ADGRV1: variants seen among roughly 807,000 people sequenced by gnomAD.
ADGRV1 encodes adhesion G protein-coupled receptor V1.
ADGRV1 carries 359 observed loss-of-function variants against 596.2 expected under a neutral mutation model. The ratio of observed to expected loss-of-function variants is 0.60; its 90% CI spans 0.55 to 0.66. The LOEUF (loss-of-function observed/expected upper bound fraction) is 0.66. Ranked by LOEUF, ADGRV1 falls within the 30% of genes least tolerant of loss-of-function variation. The pLI is 0.00. For missense variants in ADGRV1, 7,274 were observed against 7,575.6 expected, an observed-to-expected ratio of 0.96 and a Z score of 1.48; for synonymous variants, 2,681 against 2,679.2, an observed-to-expected ratio of 1.00 and a Z score of -0.02.
chr5:90,811,431 G>A, intron 74 of ADGRV1, 93 bp downstream of exon 74: 2 of 1,208,250 alleles, frequency 1.7e-6, no homozygotes, highest in East Asian at 2.5e-5. Flanking sequence ...GGAAGAAGGT[G>A]AAGTTCTTAA....
At chr5:90,829,219 A>G in intron 77 of ADGRV1, 33 bp downstream of exon 77, 1 of 1,396,864 alleles carries the variant, frequency 7.2e-7, no homozygotes, top group African/African-American at 1.4e-5. Context: ...CATACACGTT[A>G]TGGTTTTCTT....
At chr5:91,144,737 G>A (rs771887255) in intron 87 of ADGRV1, among the ~76,000 whole-genome samples, 6 of 152,206 alleles carry the variant, frequency 3.9e-5, no homozygotes, top group Non-Finnish European at 7.3e-5. Flanking sequence ...AAGAACAGAT[G>A]GATTATATAG....
intron 77 of ADGRV1, among the ~76,000 whole-genome samples, chr5:90,829,828 C>G (rs984251695): frequency 2.6e-5 from 4 of 152,084 alleles, no homozygotes; most frequent in Non-Finnish European, 4.4e-5. Flanking sequence ...AAGCAAAAAT[C>G]TGTCCCTACT....
rs539109097 is a variant in ADGRV1 at position 91,020,086 on chromosome 5, C to T, written c.18152+34564C>T. ...CTTTAATTTTTAAGGCTTATAGTTACGGCATATTGGCTATGATTTCTTCCC... is the reference window on the plus strand; with the variant it reads ...CTTTAATTTTTAAGGCTTATAGTTATGGCATATTGGCTATGATTTCTTCCC... On this transcript the variant is annotated intron_variant, in intron 85 of 89. Coordinates refer to ENST00000405460, the MANE Select transcript of ADGRV1 (RefSeq NM_032119.4). Among the ~76,000 whole-genome samples the T allele has an allele frequency of 2.4e-3, 318 of 130,576 alleles. 1 individual carries two copies. Among genetic ancestry groups the T allele is most frequent in the Non-Finnish European group, 3.1e-3 (187 of 60,028 alleles). 85.7% of individuals were successfully genotyped at this position (130,576 alleles called of 152,430 possible).
chr5:91,053,557 GTTTCT>G lies in ADGRV1; in HGVS notation c.18153-18882_18153-18878del, dbSNP rs146489619. ...AAACAAAGTTGAGAAATTTTTGAGC[GTTTCT>G]TTTCTTTGCCATTGTCCAGAAAGAG... is the stretch of plus-strand genomic sequence containing the variant. On this transcript the variant is annotated intron_variant, in intron 85 of 89. Transcript: ENST00000405460. 5.6e-3 allele frequency among the ~76,000 whole-genome samples: 847 copies of G among 152,250 alleles called. 28 individuals carry two copies. In the East Asian group the frequency reaches 0.088, roughly 16 times the overall value.
At chr5:91,101,768 AAC>A (rs10592473) in intron 86 of ADGRV1, among the ~76,000 whole-genome samples, 3 of 151,722 alleles carry the variant, frequency 2.0e-5, no homozygotes, top group Non-Finnish European at 4.4e-5. Context: ...AGGTTTTTCC[AAC>A]ACACACACAC....
intron 67 of ADGRV1, among the ~76,000 whole-genome samples, chr5:90,786,714 A>G (rs1489169733): frequency 1.3e-5 from 2 of 152,236 alleles, no homozygotes; most frequent in Non-Finnish European, 1.5e-5. Context: ...AGGGAAAGAC[A>G]GGAATCAAGG....
chr5:90,964,935 A>G (rs1022361972), intron 83 of ADGRV1, among the ~76,000 whole-genome samples: 1 of 152,208 alleles, frequency 6.6e-6, no homozygotes, highest in Non-Finnish European at 1.5e-5. Flanking sequence ...TAGGATAACC[A>G]TAGAATTTGA....
intron 1 of ADGRV1, among the ~76,000 whole-genome samples, chr5:90,588,758 A>G (rs1390351801): frequency 6.6e-6 from 1 of 152,226 alleles, no homozygotes; most frequent in South Asian, 2.1e-4. Context: ...CCACAAATGA[A>G]TATCTAAAGA....
intron 33 of ADGRV1, 63 bp downstream of exon 33, chr5:90,694,764 G>A (rs1746972217): frequency 2.9e-6 from 4 of 1,368,930 alleles, no homozygotes; most frequent in Non-Finnish European, 3.9e-6. Context: ...CCATTTTTAT[G>A]ATAAAATTTA....
chr5:90,784,640 G>A (rs538706654), intron 67 of ADGRV1, among the ~76,000 whole-genome samples: 10 of 152,190 alleles, frequency 6.6e-5, no homozygotes, highest in African/African-American at 2.4e-4. Context: ...GCATGGAGGG[G>A]TTCATGTGGT....
intron 87 of ADGRV1, among the ~76,000 whole-genome samples, chr5:91,104,834 AC>A (rs1791703421): frequency 1.4e-5 from 2 of 145,174 alleles, no homozygotes; most frequent in African/African-American, 5.1e-5. Context: ...ATTTGCACCA[AC>A]CTTTTCTTTT....
At position 90,819,457 on chromosome 5, in the gene ADGRV1, G is replaced by A. The variant is rs559141604; in HGVS notation, c.16196+3721G>A. Among the ~76,000 whole-genome samples, 92 of 150,262 alleles carry A rather than the reference G, an allele frequency of 6.1e-4. 2 individuals are homozygous for A. The highest frequency in any genetic ancestry group is 2.1e-3 in the African/African-American group (84 of 39,802). On this transcript the variant is annotated intron_variant, in intron 75 of 89. Transcript: ENST00000405460. ...TTTAGTTATTTCTTGCCTTCTGCTC[G>A]CTTTTGAATGTGTTTGCTCTTGCTT...
chr5:90,602,006 A>C (rs906426307), intron 1 of ADGRV1, among the ~76,000 whole-genome samples: 1 of 152,236 alleles, frequency 6.6e-6, no homozygotes, highest in Non-Finnish European at 1.5e-5. Flanking sequence ...GAACGTAGAC[A>C]CATGATTTCA....
chr5:90,750,938 G>A (rs1755181015), intron 53 of ADGRV1, among the ~76,000 whole-genome samples: 6 of 152,156 alleles, frequency 3.9e-5, no homozygotes. Flanking sequence ...CTGAGTTTCA[G>A]TACATTCGTT....
chr5:90,819,788 T>C (rs1308416343), intron 75 of ADGRV1, among the ~76,000 whole-genome samples: 1 of 152,200 alleles, frequency 6.6e-6, no homozygotes, highest in Non-Finnish European at 1.5e-5. Flanking sequence ...AGATAGTTTG[T>C]TATAATCTCT....
At chr5:90,600,540 A>G (rs1364741925) in intron 1 of ADGRV1, among the ~76,000 whole-genome samples, 1 of 152,192 alleles carries the variant, frequency 6.6e-6, no homozygotes, top group Admixed American at 6.5e-5. Flanking sequence ...ACATTGTCTT[A>G]ATCCAGTCTA....
At chr5:91,019,811 C>A (rs2151182137) in intron 85 of ADGRV1, among the ~76,000 whole-genome samples, 1 of 152,088 alleles carries the variant, frequency 6.6e-6, no homozygotes, top group Admixed American at 6.6e-5. Context: ...TCTTCAGATT[C>A]ACTATGATTA....
Position 90,753,703 on chromosome 5 carries a change from T to C in ADGRV1, c.11251T>C (p.Tyr3751His), listed in dbSNP as rs1237713945. 2 of 1,613,704 alleles carry C rather than the reference T, an allele frequency of 1.2e-6. No homozygotes were observed. The highest frequency in any genetic ancestry group is 8.5e-7 in the Non-Finnish European group (1 of 1,179,708). The change falls in exon 54 of 90, where the codon TAC becomes CAC. Residue 3751 changes from tyrosine (Y) to histidine (H), a missense_variant. Around this residue, in one of 5 missense-constraint regions of ADGRV1, gnomAD observed 3,643 missense variants for 3,809.2 expected, o/e 0.96. Transcript: ENST00000405460. ...RITTEGVEDS[Y>H]KGATIDQDRS... ...CACCACAGAAGGGGTTGAGGACTCATACAAAGGTGCTACTATTGATCAGGA... is the reference window on the plus strand; with the variant it reads ...CACCACAGAAGGGGTTGAGGACTCACACAAAGGTGCTACTATTGATCAGGA...
Sources: allele counts gnomAD v4.1 joint callset (sites outside exome capture counted in the v4.1 genomes callset), GRCh38; gene constraint gnomAD v4.1.1; regional missense constraint gnomAD v4.1.1; transcripts MANE v1.5; gene names NCBI Gene and HGNC (gene_info 2026-07-23, HGNC 2026-07-21).